The following PDE1A variants were observed in gnomAD, a reference collection of about 807,000 sequenced individuals.
PDE1A encodes the protein dual specificity calcium/calmodulin-dependent 3',5'-cyclic nucleotide phosphodiesterase 1A.
Under a neutral mutation model 61.7 loss-of-function variants are expected in PDE1A, and 35 were observed. That is an observed-to-expected ratio of 0.57 (90% CI 0.43 to 0.75). The LOEUF is 0.75. Among genes scored for constraint, PDE1A ranks in the 30% least tolerant of loss-of-function variants. PDE1A has a pLI of 0.00. For synonymous variants in PDE1A, 232 were observed against 213.2 expected (o/e 1.09, Z -0.77); for missense variants, 597 against 630.6 (o/e 0.95, Z 0.57).
intron 10 of PDE1A, among the ~76,000 whole-genome samples, chr2:182,197,816 T>G (rs1686264786): frequency 6.6e-6 from 1 of 151,948 alleles, no homozygotes; most frequent in Non-Finnish European, 1.5e-5. Flanking sequence ...AGCTTTATAC[T>G]AACTCACATA....
intron 1 of PDE1A, among the ~76,000 whole-genome samples, chr2:182,389,769 A>G (rs1217522904): frequency 6.6e-6 from 1 of 152,166 alleles, no homozygotes; most frequent in South Asian, 2.1e-4. Context: ...ACTCACCCTC[A>G]ATCTGGGTGA....
At chr2:182,539,397 C>G in the PDE1A span, among the ~76,000 whole-genome samples, 1 of 151,994 alleles carries the variant, frequency 6.6e-6, no homozygotes, top group African/African-American at 2.4e-5. Context: ...ATTTTGAGTC[C>G]CTAGAACAAA....
chr2:182,469,198 T>C (rs1297689769), intron 2 of PDE1A, among the ~76,000 whole-genome samples: 3 of 151,990 alleles, frequency 2.0e-5, no homozygotes, highest in Non-Finnish European at 2.9e-5. Context: ...AAGTCCTAGA[T>C]GGCATCTTCT....
the PDE1A span, among the ~76,000 whole-genome samples, chr2:182,576,414 A>G: frequency 4.6e-5 from 7 of 152,176 alleles, no homozygotes; most frequent in African/African-American, 1.7e-4. Flanking sequence ...TTTAAGACTG[A>G]ATAATATTCC....
chr2:182,495,702 CG>C (rs1338618526), intron 2 of PDE1A, among the ~76,000 whole-genome samples: 1 of 152,154 alleles, frequency 6.6e-6, no homozygotes, highest in Admixed American at 6.5e-5. Context: ...CAGCCACCCC[CG>C]CTCCTTCAAG....
At chr2:182,689,492 C>T in the PDE1A span, among the ~76,000 whole-genome samples, 2 of 152,056 alleles carry the variant, frequency 1.3e-5, no homozygotes, top group African/African-American at 4.8e-5. Flanking sequence ...AGAACAAAGA[C>T]ACAACATACC....
chr2:182,559,782 T>C, the PDE1A span, among the ~76,000 whole-genome samples: 2 of 152,204 alleles, frequency 1.3e-5, no homozygotes, highest in Admixed American at 1.3e-4. Context: ...TGAAGCACTA[T>C]ATGTACAGCC....
chr2:182,542,999 T>C, the PDE1A span, among the ~76,000 whole-genome samples: 1 of 152,224 alleles, frequency 6.6e-6, no homozygotes, highest in Non-Finnish European at 1.5e-5. Flanking sequence ...TTCCTTTGGC[T>C]TTTTTAAGAG....
intron 1 of PDE1A, among the ~76,000 whole-genome samples, chr2:182,418,116 T>C (rs1703036134): frequency 6.6e-6 from 1 of 152,198 alleles, no homozygotes; most frequent in Admixed American, 6.5e-5. Context: ...ATAAGGAAGC[T>C]CTGTTTTATT....
chr2:182,484,436 T>A (rs1248196285), intron 2 of PDE1A, among the ~76,000 whole-genome samples: 1 of 151,924 alleles, frequency 6.6e-6, no homozygotes, highest in South Asian at 2.1e-4. Context: ...GGCAATACCA[T>A]CCTGGATACA....
At chr2:182,316,579 T>C (rs1696353298) in intron 1 of PDE1A, among the ~76,000 whole-genome samples, 2 of 152,168 alleles carry the variant, frequency 1.3e-5, no homozygotes, top group African/African-American at 4.8e-5. Context: ...AAAATATTTG[T>C]AAAAATATTG....
intron 8 of PDE1A, among the ~76,000 whole-genome samples, chr2:182,203,170 A>G (rs75783521): frequency 2.6e-5 from 4 of 152,020 alleles, no homozygotes; most frequent in Admixed American, 2.0e-4. Context: ...AAAAAAAAAA[A>G]TTAGCCAGCC....
At chr2:182,623,513 T>C in the PDE1A span, among the ~76,000 whole-genome samples, 1 of 152,014 alleles carries the variant, frequency 6.6e-6, no homozygotes, top group African/African-American at 2.4e-5. Context: ...CAGAAGAGAG[T>C]GTCCTCATAG....
the PDE1A span, among the ~76,000 whole-genome samples, chr2:182,647,608 A>G: frequency 0.051 from 7,813 of 152,232 alleles, 250 homozygotes; most frequent in Middle Eastern, 0.085. Flanking sequence ...GTCACTTAGG[A>G]AAAGACATAT....
At chr2:182,417,940 T>G (rs1410440190) in intron 1 of PDE1A, among the ~76,000 whole-genome samples, 1 of 152,330 alleles carries the variant, frequency 6.6e-6, no homozygotes, top group East Asian at 1.9e-4. Flanking sequence ...AAACGTTATA[T>G]AATTTGCAGG....
the PDE1A span, among the ~76,000 whole-genome samples, chr2:182,632,077 A>C: frequency 6.6e-6 from 1 of 152,182 alleles, no homozygotes; most frequent in African/African-American, 2.4e-5. Flanking sequence ...GAAGTATATA[A>C]AGGGTGAGAG....
chr2:182,388,391 C>G (rs1010676175), intron 1 of PDE1A, among the ~76,000 whole-genome samples: 5 of 152,144 alleles, frequency 3.3e-5, no homozygotes, highest in African/African-American at 1.2e-4. Flanking sequence ...CAACTGCACA[C>G]AAAACATTCT....
chr2:182,540,657 A>G, the PDE1A span, among the ~76,000 whole-genome samples: 1 of 152,222 alleles, frequency 6.6e-6, no homozygotes, highest in East Asian at 1.9e-4. Flanking sequence ...CATATTTTTT[A>G]CATTCAAAAT....
chr2:182,225,352 A>C (rs1689059490), intron 6 of PDE1A, among the ~76,000 whole-genome samples: 1 of 151,936 alleles, frequency 6.6e-6, no homozygotes, highest in Non-Finnish European at 1.5e-5. Context: ...AAAAGGTAAA[A>C]GAAAGCCATT....
Sources: gnomAD v4.1 joint callset for allele counts (sites outside exome capture counted in the v4.1 genomes callset) on GRCh38, gnomAD v4.1.1 for gene constraint, MANE v1.5 for transcripts, NCBI Gene and HGNC (gene_info 2026-07-23, HGNC 2026-07-21) for gene names.